TAB1: variants seen among roughly 807,000 people sequenced by gnomAD.
TAB1 encodes the protein TGF-beta-activated kinase 1 and MAP3K7-binding protein 1.
In TAB1, 30 loss-of-function variants were observed where a neutral mutation model predicts 54.5. The ratio of observed to expected loss-of-function variants is 0.55; its 90% CI spans 0.41 to 0.75. TAB1 has a LOEUF of 0.75. Among genes scored for constraint, TAB1 ranks in the 30% least tolerant of loss-of-function variants. TAB1 has a pLI of 0.00. For missense variants in TAB1, 609 were observed against 683.2 expected, an observed-to-expected ratio of 0.89 and a Z score of 1.21; for synonymous variants, 289 against 286.9, an observed-to-expected ratio of 1.01 and a Z score of -0.07.
rs767857035 is a variant in TAB1, at chr22:39,426,907, A to G, written c.1126A>G (p.Thr376Ala). Residue 376 changes from threonine to alanine, a missense_variant, in exon 9 of 11, where the codon ACA (threonine) becomes GCA (alanine). Physicochemically the swap from Thr to Ala is moderately conservative, Grantham distance 58. Coordinates refer to ENST00000216160, the MANE Select transcript of TAB1 (RefSeq NM_006116.3). ...GYPLGEMSQP[T>A]PSPAPAAGGR... ...CCCGCTGGGCGAAATGAGCCAGCCC[A>G]CACCGAGCCCAGCCCCAGGTACGTG... 6.2e-7 allele frequency: 1 copy of G among 1,611,912 alleles called. No homozygotes were observed. The highest frequency in any genetic ancestry group is 2.2e-5 in the East Asian group (1 of 44,882).
chr22:39,436,670 G>A, downstream of TAB1: 1 of 936,236 alleles, frequency 1.1e-6, no homozygotes, highest in Non-Finnish European at 1.7e-6. Flanking sequence ...CTCGTGCCAG[G>A]CCAGGCCCCG....
At position 39,431,161 on chromosome 22, in the gene TAB1, G is replaced by C; in HGVS notation, c.*939G>C. ...GACTTGTTTGAAAGAAAGAGGAGTG[G>C]AAAATGGTTCCAGGAGGGAAGAGGT... On this transcript the variant is annotated 3_prime_UTR_variant, in exon 11 of 11. Coordinates refer to ENST00000216160, the MANE Select transcript of TAB1 (RefSeq NM_006116.3). The C allele has an allele frequency of 1.0e-6, 1 of 985,846 alleles. No homozygotes were observed. The highest frequency in any genetic ancestry group is 1.2e-6 in the Non-Finnish European group (1 of 830,254). The allele number at this position is 985,846 out of a possible 1,614,324, so 61.1% of individuals were successfully genotyped here. A position where few individuals can be genotyped will look rare whatever the true frequency, so the allele number is the denominator to read the frequency against.
downstream of TAB1, chr22:39,431,898 T>C: frequency 1.0e-6 from 1 of 985,222 alleles, no homozygotes; most frequent in Non-Finnish European, 1.2e-6. Flanking sequence ...CTGTTGCTCA[T>C]GTTTCCTGTA....
downstream of TAB1, chr22:39,436,556 C>A (rs750548641): frequency 1.2e-6 from 2 of 1,613,480 alleles, no homozygotes; most frequent in African/African-American, 2.7e-5. Flanking sequence ...TCCTGGGCAG[C>A]CTGACCCCAG....
chr22:39,430,939 G>T lies in TAB1; in HGVS notation c.*717G>T. 1.0e-6 allele frequency: 1 copy of T among 986,998 alleles called. No homozygotes were observed. The highest frequency in any genetic ancestry group is 1.2e-6 in the Non-Finnish European group (1 of 831,020). The allele number at this position is 986,998 out of a possible 1,614,324, so 61.1% of individuals were successfully genotyped here. On this transcript the variant is annotated 3_prime_UTR_variant, in exon 11 of 11. Transcript: ENST00000216160. ...GAGCCAGGCGTGCGGGAGAGGTGAG[G>T]ACTGGCCCCGGTGGGCTGAGGCAGG...
At chr22:39,416,396 G>A (rs1298672775) in intron 3 of TAB1, among the ~76,000 whole-genome samples, 2 of 152,212 alleles carry the variant, frequency 1.3e-5, no homozygotes, top group Admixed American at 1.3e-4. Context: ...GCCTTGCTGA[G>A]TGCCAGGTTG....
chr22:39,431,989 A>T (rs1420394160), downstream of TAB1: 4 of 584,336 alleles, frequency 6.8e-6, no homozygotes, highest in Non-Finnish European at 8.6e-6. Context: ...CAGGCTGCTA[A>T]GTGGCAGGGC....
At chr22:39,400,575 C>T (rs150071346) in intron 1 of TAB1, among the ~76,000 whole-genome samples, 1 of 152,234 alleles carries the variant, frequency 6.6e-6, no homozygotes, top group Non-Finnish European at 1.5e-5. Context: ...GGGTTTGGCG[C>T]TGTCTTCCAG....
intron 3 of TAB1, among the ~76,000 whole-genome samples, chr22:39,416,099 C>T (rs987131044): frequency 5.3e-5 from 8 of 152,172 alleles, no homozygotes; most frequent in Non-Finnish European, 7.3e-5. Flanking sequence ...TTTCTGCTTG[C>T]GCTGTTGGCA....
At chr22:39,433,467 A>G (rs1927663430), downstream of TAB1, 1 of 983,514 alleles carries the variant, frequency 1.0e-6, no homozygotes, top group Non-Finnish European at 1.2e-6. Context: ...AAAAAAAAAA[A>G]GACATCAGTC....
At chr22:39,417,316 C>G (rs1460411976) in intron 4 of TAB1, among the ~76,000 whole-genome samples, 1 of 152,212 alleles carries the variant, frequency 6.6e-6, no homozygotes, top group African/African-American at 2.4e-5. Flanking sequence ...GCCCTCGGAT[C>G]TTTGCTCTTA....
chr22:39,415,558 A>T lies in TAB1; in HGVS notation c.229A>T (p.Thr77Ser). 1 of 1,614,196 alleles carries T rather than the reference A, an allele frequency of 6.2e-7. No individual in the cohort carries two copies. Among genetic ancestry groups the T allele is most frequent in the East Asian group, 2.2e-5 (1 of 44,876 alleles). ...CAACGGCTATGATGGCAACCGAGTGACCAACTTCGTGGCCCAGCGGCTGTC... is the reference window on the plus strand; with the variant it reads ...CAACGGCTATGATGGCAACCGAGTGTCCAACTTCGTGGCCCAGCGGCTGTC... ...VFNGYDGNRV[T>S]NFVAQRLSAE... Residue 77 changes from threonine to serine, a missense_variant, in exon 3 of 11, where the codon ACC becomes TCC. Coordinates refer to ENST00000216160, the MANE Select transcript of TAB1 (RefSeq NM_006116.3). This position sits in a 1 kb window ranked among gnomAD's most constrained non-coding sequence, Gnocchi z 4.9.
chr22:39,415,617 G>T lies in TAB1; in HGVS notation c.288G>T (p.Glu96Asp). 1.2e-6 allele frequency: 2 copies of T among 1,613,206 alleles called. No homozygotes were observed. Among genetic ancestry groups the T allele is most frequent in the Non-Finnish European group, 1.7e-6 (2 of 1,179,994 alleles). Reference protein sequence around the residue: ...AELLLGQLNAEHAEADVRRVL... With the variant: ...AELLLGQLNADHAEADVRRVL... Reference sequence around the variant, plus strand: ...TCCTGCTGGGCCAGCTGAATGCCGAGCACGCCGAGGCCGATGTGCGGCGTG... The same window carrying T: ...TCCTGCTGGGCCAGCTGAATGCCGATCACGCCGAGGCCGATGTGCGGCGTG... Residue 96 changes from glutamate (E) to aspartate (D), a missense_variant, in exon 3 of 11, where the codon GAG becomes GAT. Coordinates refer to ENST00000216160, the MANE Select transcript of TAB1 (RefSeq NM_006116.3). This position sits in a 1 kb window ranked among gnomAD's most constrained non-coding sequence, Gnocchi z 4.9.
rs901938487 is a variant in TAB1, at chr22:39,418,351, T to C, written c.551-381T>C. On this transcript the variant is annotated intron_variant, in intron 5 of 10. Coordinates refer to ENST00000216160, the MANE Select transcript of TAB1 (RefSeq NM_006116.3). Reference sequence around the variant, plus strand: ...ATATAGAACAATAGAGTGACTGATATTTAATGAACATTCATGCGCCCATCC... The same window carrying C: ...ATATAGAACAATAGAGTGACTGATACTTAATGAACATTCATGCGCCCATCC... Among the ~76,000 whole-genome samples, 13 of 152,206 alleles carry C rather than the reference T, an allele frequency of 8.5e-5. No homozygotes were observed. The South Asian group carries it at 1.4e-3, about 17-fold the overall frequency.
chr22:39,402,686 G>T (rs1926198982), intron 1 of TAB1, among the ~76,000 whole-genome samples: 1 of 152,084 alleles, frequency 6.6e-6, no homozygotes, highest in Non-Finnish European at 1.5e-5. Context: ...CCAAGTAGCT[G>T]GGATTACAGG....
intron 9 of TAB1, among the ~76,000 whole-genome samples, chr22:39,427,772 C>T (rs533201976): frequency 3.9e-5 from 6 of 152,304 alleles, no homozygotes; most frequent in East Asian, 1.9e-4. Flanking sequence ...TGAGGCAACT[C>T]GAGCACCAGC....
At chr22:39,417,285 A>G (rs892220708) in intron 4 of TAB1, among the ~76,000 whole-genome samples, 1 of 152,178 alleles carries the variant, frequency 6.6e-6, no homozygotes, top group Admixed American at 6.5e-5. Context: ...GCCATGGACC[A>G]TCTGTCTGTC....
intron 8 of TAB1, among the ~76,000 whole-genome samples, chr22:39,422,400 CTTTTTTTT>C (rs965591327): frequency 4.5e-5 from 4 of 88,522 alleles, no homozygotes; most frequent in South Asian, 3.6e-4. Flanking sequence ...CTTCTCATTT[CTTTTTTTT>C]TTTTTTTTTT....
chr22:39,411,208 G>GA (rs1278915490), intron 1 of TAB1, among the ~76,000 whole-genome samples: 1 of 151,962 alleles, frequency 6.6e-6, no homozygotes, highest in East Asian at 1.9e-4. Flanking sequence ...AAAACTTTTA[G>GA]AAAAAAACAT....
Sources: allele counts gnomAD v4.1 joint callset (sites outside exome capture counted in the v4.1 genomes callset), GRCh38; gene constraint gnomAD v4.1.1; non-coding constraint Gnocchi (gnomAD v3.1); transcripts MANE v1.5; gene names NCBI Gene and HGNC (gene_info 2026-07-23, HGNC 2026-07-21).